Variants in SH3KBP1 observed in about 807,000 individuals in gnomAD.
SH3KBP1 encodes SH3 domain containing kinase binding protein 1, also known as SH3 domain-containing kinase-binding protein 1.
A neutral mutation model predicts 50.1 loss-of-function variants in SH3KBP1; 8 were observed. The ratio of observed to expected loss-of-function variants is 0.16; its 90% CI spans 0.09 to 0.29. SH3KBP1 has a LOEUF of 0.29. Among genes scored for constraint, SH3KBP1 ranks in the 10% least tolerant of loss-of-function variants. The probability of loss-of-function intolerance (pLI) is 1.00; values close to 1 mark genes in which losing one functional copy is unlikely to be tolerated. For missense variants in SH3KBP1, 377 were observed against 535.2 expected (o/e 0.70, Z 2.92); for synonymous variants, 227 against 218.6 (o/e 1.04, Z -0.34).
intron 2 of SH3KBP1, among the ~76,000 whole-genome samples, chrX:19,800,814 G>T (rs1412108598): frequency 3.6e-5 from 4 of 111,999 alleles, no homozygotes; most frequent in Non-Finnish European, 7.5e-5. Flanking sequence ...ACTCAGCCAG[G>T]ATGAACTGGG....
At chrX:19,837,798 T>C (rs950425639) in intron 1 of SH3KBP1, among the ~76,000 whole-genome samples, 6 of 111,140 alleles carry the variant, frequency 5.4e-5, no homozygotes, top group Admixed American at 4.8e-4. Flanking sequence ...GGCAAATGAA[T>C]GAATACAAGG....
intron 4 of SH3KBP1, among the ~76,000 whole-genome samples, chrX:19,703,028 A>G (rs2063563644): frequency 8.9e-6 from 1 of 111,835 alleles, no homozygotes; most frequent in South Asian, 3.7e-4. Context: ...CTTTCTTGGC[A>G]GGTGCTTTGC....
intron 8 of SH3KBP1, among the ~76,000 whole-genome samples, chrX:19,625,749 G>T (rs1003174307): frequency 8.9e-6 from 1 of 112,125 alleles, no homozygotes; most frequent in Non-Finnish European, 1.9e-5. Context: ...TGGATATCCA[G>T]TAACAATGAG....
chrX:19,669,723 C>T (rs921263376), intron 6 of SH3KBP1, among the ~76,000 whole-genome samples: 8 of 111,619 alleles, frequency 7.2e-5, no homozygotes, highest in Admixed American at 4.8e-4. Context: ...AAGCCATTGC[C>T]GATGAATATA....
At chrX:19,703,633 A>C (rs890622855) in intron 4 of SH3KBP1, among the ~76,000 whole-genome samples, 2 of 109,967 alleles carry the variant, frequency 1.8e-5, no homozygotes, top group African/African-American at 6.6e-5. Flanking sequence ...CAACTCTTTC[A>C]AAAAAACTAG....
intron 8 of SH3KBP1, among the ~76,000 whole-genome samples, chrX:19,610,205 G>GA (rs2067370522): frequency 8.9e-6 from 1 of 111,834 alleles, no homozygotes; most frequent in African/African-American, 3.3e-5. Context: ...TATCTTTCTG[G>GA]AAAAATGACA....
chrX:19,869,786 T>C (rs1415462843), intron 1 of SH3KBP1, among the ~76,000 whole-genome samples: 1 of 112,760 alleles, frequency 8.9e-6, no homozygotes, highest in Non-Finnish European at 1.9e-5. Flanking sequence ...CTTCCATGAA[T>C]ATGTTATCTT....
chrX:19,606,384 G>A (rs908770571), intron 9 of SH3KBP1, among the ~76,000 whole-genome samples: 3 of 112,260 alleles, frequency 2.7e-5, no homozygotes, highest in Non-Finnish European at 3.8e-5. Context: ...TTACTCCTGC[G>A]TCCTACTATT....
intron 8 of SH3KBP1, among the ~76,000 whole-genome samples, chrX:19,611,956 G>GAAAAAAAAAA (rs3036638): frequency 4.7e-4 from 18 of 38,017 alleles, no homozygotes; most frequent in East Asian, 1.1e-3. Context: ...AGCAGAAGTA[G>GAAAAAAAAAA]AAAAAAAAAA....
chrX:19,762,680 T>C (rs1047414072), intron 2 of SH3KBP1, among the ~76,000 whole-genome samples: 1 of 112,012 alleles, frequency 8.9e-6, no homozygotes, highest in Admixed American at 9.5e-5. Flanking sequence ...TTACTCTTTC[T>C]CCACTGCAAT....
chrX:19,683,677 C>A (rs1449246440), intron 6 of SH3KBP1, 146 bp downstream of exon 6: 6 of 511,607 alleles, frequency 1.2e-5, no homozygotes, highest in Non-Finnish European at 2.0e-5. Flanking sequence ...AGAGGGAGAG[C>A]TAAAAAAGAA....
intron 12 of SH3KBP1, among the ~76,000 whole-genome samples, chrX:19,578,176 T>C (rs1046627689): frequency 8.9e-6 from 1 of 111,812 alleles, no homozygotes; most frequent in Non-Finnish European, 1.9e-5. Flanking sequence ...TTTCAATAGC[T>C]TTTGGGGTAC....
At chrX:19,856,754 C>T (rs541812734) in intron 1 of SH3KBP1, among the ~76,000 whole-genome samples, 2 of 110,315 alleles carry the variant, frequency 1.8e-5, no homozygotes, top group African/African-American at 6.6e-5. Flanking sequence ...TCCAGCCTCC[C>T]GGACCGTGAG....
intron 13 of SH3KBP1, 149 bp downstream of exon 13, chrX:19,568,954 C>T: frequency 6.2e-6 from 3 of 481,858 alleles, no homozygotes; most frequent in Middle Eastern, 3.5e-4. Flanking sequence ...CCCTTCTTTA[C>T]AAAACTGTAA....
Position 19,706,679 on chromosome X carries a change from A to G in SH3KBP1, c.390+202T>C, listed in dbSNP as rs1465200133. ...GCTGTGTTAGAGACAATGCTTTCCA[A>G]TGGCCCCAGGTATGAACTCAGCTGG... On this transcript the variant is annotated intron_variant, in intron 4 of 17. Coordinates refer to ENST00000397821, the MANE Select transcript of SH3KBP1 (RefSeq NM_031892.3). 4.5e-5 allele frequency among the ~76,000 whole-genome samples: 5 copies of G among 110,831 alleles called. No individual in the cohort carries two copies. In the East Asian group the frequency reaches 1.4e-3, roughly 32 times the overall value.
At chrX:19,840,710 T>A (rs2068195628) in intron 1 of SH3KBP1, among the ~76,000 whole-genome samples, 1 of 112,530 alleles carries the variant, frequency 8.9e-6, no homozygotes, top group Non-Finnish European at 1.9e-5. Context: ...TTTAAAGTGG[T>A]ACCCTTTGAG....
intron 6 of SH3KBP1, among the ~76,000 whole-genome samples, chrX:19,651,961 T>C (rs1006847288): frequency 1.8e-5 from 2 of 111,899 alleles, no homozygotes; most frequent in African/African-American, 6.5e-5. Context: ...TAAATGCTCA[T>C]TATTCTCTTA....
chrX:19,689,383 G>T (rs1478146102), intron 5 of SH3KBP1, among the ~76,000 whole-genome samples: 1 of 112,019 alleles, frequency 8.9e-6, no homozygotes, highest in Non-Finnish European at 1.9e-5. Flanking sequence ...CAGAAAAAAA[G>T]GAAGTGTAAG....
In SH3KBP1 at chrX:19,887,423, C is replaced by T; in HGVS notation, c.-113G>A. The T allele has an allele frequency of 1.5e-6, 1 of 645,649 alleles. No homozygotes were observed. The highest frequency in any genetic ancestry group is 2.0e-6 in the Non-Finnish European group (1 of 495,332). The allele number at this position is 645,649 out of a possible 1,213,427, so 53.2% of individuals were successfully genotyped here. A position where few individuals can be genotyped will look rare whatever the true frequency, so the allele number is the denominator to read the frequency against. On this transcript the variant is annotated 5_prime_UTR_variant, in exon 1 of 18. Coordinates refer to ENST00000397821, the MANE Select transcript of SH3KBP1 (RefSeq NM_031892.3). ...GGATCCAGGCGCGAGGGTCCGGACG[C>T]GGCGGCGGCTGGGCCGGCTTCTTCC...
Sources: allele counts gnomAD v4.1 joint callset (sites outside exome capture counted in the v4.1 genomes callset), GRCh38; gene constraint gnomAD v4.1.1; transcripts MANE v1.5; gene names NCBI Gene and HGNC (gene_info 2026-07-23, HGNC 2026-07-21).